The following SUPT20H variants were observed in gnomAD, a reference collection of about 807,000 sequenced individuals.
The protein encoded by SUPT20H is SPT20 homolog, SAGA complex component.
In SUPT20H, 82 loss-of-function variants were observed where a neutral mutation model predicts 122.8. That is an observed-to-expected ratio of 0.67 (90% CI 0.56 to 0.80). The LOEUF is 0.80. Among genes scored for constraint, SUPT20H ranks in the 30% least tolerant of loss-of-function variants. The pLI is 0.00. For synonymous variants in SUPT20H, 291 were observed against 313.0 expected (o/e 0.93, Z 0.74); for missense variants, 831 against 921.6 (o/e 0.90, Z 1.27).
At chr13:37,039,122 G>A (rs2065019227) in intron 9 of SUPT20H, 1 of 152,102 alleles carries the variant, frequency 6.6e-6, no homozygotes, top group Non-Finnish European at 1.5e-5. Context: ...AACTGAAGAG[G>A]ACCAATGATT....
chr13:37,049,654 AC>A (rs1319452947), intron 2 of SUPT20H, among the ~76,000 whole-genome samples: 1 of 152,090 alleles, frequency 6.6e-6, no homozygotes, highest in Non-Finnish European at 1.5e-5. Context: ...AAGGAGAATC[AC>A]TTGAACCCGG....
rs1385573809 is a variant in SUPT20H at position 37,010,545 on chromosome 13, G to A, written c.2202+7C>T. The A allele has an allele frequency of 1.2e-6, 2 of 1,610,760 alleles. No homozygotes were observed. Among genetic ancestry groups the A allele is most frequent in the South Asian group, 1.1e-5 (1 of 90,968 alleles). On this transcript the variant is annotated splice_region_variant and intron_variant, in intron 25 of 25. Transcript: ENST00000350612. ...AAAATGTAATCAGAGTGAAGTTGCT[G>A]GATTACTTGTATCTGTTGCTGCTGC...
At chr13:37,023,922 G>T in intron 19 of SUPT20H, 113 bp downstream of exon 19, 1 of 1,026,258 alleles carries the variant, frequency 9.7e-7, no homozygotes, top group Non-Finnish European at 1.4e-6. Context: ...TATACATTTT[G>T]GGTACACAGT....
At chr13:37,023,157 G>A in intron 19 of SUPT20H, 2 of 977,808 alleles carry the variant, frequency 2.0e-6, no homozygotes, top group Non-Finnish European at 2.6e-6. Flanking sequence ...AACATAAGAA[G>A]TGTGAATAAG....
chr13:37,035,409 G>A (rs1212404611), intron 9 of SUPT20H, among the ~76,000 whole-genome samples: 4 of 152,172 alleles, frequency 2.6e-5, no homozygotes, highest in African/African-American at 9.7e-5. Flanking sequence ...CAGATGTGGT[G>A]ATAGCAAGAG....
At chr13:37,058,759 G>A (rs924356697) in intron 1 of SUPT20H, among the ~76,000 whole-genome samples, 3 of 151,998 alleles carry the variant, frequency 2.0e-5, no homozygotes, top group African/African-American at 7.2e-5. Flanking sequence ...ATTACAACCT[G>A]CAAACTAATC....
chr13:37,029,748 A>G lies in SUPT20H; in HGVS notation c.993+17T>C. 1.9e-6 allele frequency: 3 copies of G among 1,589,322 alleles called. No individual in the cohort carries two copies. Among genetic ancestry groups the G allele is most frequent in the African/African-American group, 2.7e-5 (2 of 73,634 alleles). On this transcript the variant is annotated intron_variant, in intron 13 of 25. Transcript: ENST00000350612. ...AAATGGCATAATTAGAAACAGAGACAGGCAATGATTTCTTACATGGGCTGG... is the reference window on the plus strand; with the variant it reads ...AAATGGCATAATTAGAAACAGAGACGGGCAATGATTTCTTACATGGGCTGG...
chr13:37,051,560 G>A lies in SUPT20H; in HGVS notation c.-70C>T, dbSNP rs367552986. ...GCTGATGAAGTGGGGTGAACACCAT[G>A]CCTTTAACATCAATCTTACAGTACT... On this transcript the variant is annotated 5_prime_UTR_variant, in exon 2 of 26. Coordinates refer to ENST00000350612, the MANE Select transcript of SUPT20H (RefSeq NM_001014286.3). The A allele has an allele frequency of 6.3e-6, 9 of 1,438,256 alleles. No individual in the cohort carries two copies. In the African/African-American group the frequency reaches 1.1e-4, roughly 18 times the overall value. The allele number at this position is 1,438,256 out of a possible 1,614,324, so 89.1% of individuals were successfully genotyped here.
intron 18 of SUPT20H, 57 bp downstream of exon 18, chr13:37,024,283 A>G: frequency 6.6e-7 from 1 of 1,523,066 alleles, no homozygotes. Flanking sequence ...TTAAAAAGAG[A>G]TTATGATTAT....
chr13:37,034,747 A>G (rs1359323586), intron 9 of SUPT20H, among the ~76,000 whole-genome samples: 1 of 152,268 alleles, frequency 6.6e-6, no homozygotes, highest in Non-Finnish European at 1.5e-5. Context: ...TCATAGCTAG[A>G]GAGAAGTCAA....
At chr13:37,039,200 A>C (rs2065036996) in intron 9 of SUPT20H, 1 of 152,226 alleles carries the variant, frequency 6.6e-6, no homozygotes, top group African/African-American at 2.4e-5. Context: ...TTTGACTGAA[A>C]AATTAAAGTT....
intron 23 of SUPT20H, chr13:37,012,982 G>A (rs557680719): frequency 1.8e-3 from 269 of 152,184 alleles, no homozygotes; most frequent in African/African-American, 6.2e-3. Flanking sequence ...GTCTAGATAA[G>A]GACATATACT....
chr13:37,029,307 T>A (rs2062881206), intron 13 of SUPT20H, among the ~76,000 whole-genome samples: 1 of 152,180 alleles, frequency 6.6e-6, no homozygotes, highest in Admixed American at 6.5e-5. Context: ...GGTGGGCGGA[T>A]CACCTGAGAT....
At chr13:37,038,329 C>A (rs2064881948) in intron 9 of SUPT20H, 1 of 152,118 alleles carries the variant, frequency 6.6e-6, no homozygotes, top group Non-Finnish European at 1.5e-5. Flanking sequence ...AGAATTTTCC[C>A]TCAGTTACTT....
rs1449544501 is a variant in SUPT20H at position 37,040,674 on chromosome 13, C to T, written c.415G>A (p.Gly139Arg). ...TCACGTATTTCTGCTATGACACATC[C>T]GCAATGAAAAATATTAACCTGTTTG... ...EKSQVNIFHC[G>R]CVIAEIRDYR... Residue 139 changes from glycine (G) to arginine (R), a missense_variant, in exon 8 of 26, where the codon GGA (glycine) becomes AGA (arginine). Physicochemically the swap from Gly to Arg is moderately radical, Grantham distance 125. Coordinates refer to ENST00000350612, the MANE Select transcript of SUPT20H (RefSeq NM_001014286.3). 7 of 1,613,040 alleles carry T rather than the reference C, an allele frequency of 4.3e-6. No homozygotes were observed. Among genetic ancestry groups the T allele is most frequent in the African/African-American group, 4.0e-5 (3 of 74,860 alleles).
intron 21 of SUPT20H, among the ~76,000 whole-genome samples, chr13:37,021,180 G>A (rs1253710933): frequency 6.6e-6 from 1 of 152,096 alleles, no homozygotes; most frequent in Non-Finnish European, 1.5e-5. Context: ...TGACAATAAG[G>A]CTACCAAAAT....
In SUPT20H at chr13:37,024,197, G is replaced by A. The variant is rs1247000535; in HGVS notation, c.1433-4C>T. ...TGTTGTGGTGTAAAATAGTTACCTA[G>A]AAGAACATAAAAGTTATTTCCTAAA... is the stretch of plus-strand genomic sequence containing the variant. On this transcript the variant is annotated splice_region_variant and splice_polypyrimidine_tract_variant and intron_variant, in intron 18 of 25. Transcript: ENST00000350612. 3 of 1,602,526 alleles carry A rather than the reference G, an allele frequency of 1.9e-6. No individual in the cohort carries two copies. The highest frequency in any genetic ancestry group is 2.7e-5 in the African/African-American group (2 of 74,232).
intron 24 of SUPT20H, 72 bp downstream of exon 24, chr13:37,012,115 ATAATT>A (rs2059719255): frequency 1.7e-6 from 2 of 1,170,992 alleles, no homozygotes; most frequent in African/African-American, 1.5e-5. Flanking sequence ...GGAAAAGAAA[ATAATT>A]TAAGCGGTGA....
At chr13:37,054,898 T>C (rs938723662) in intron 1 of SUPT20H, among the ~76,000 whole-genome samples, 1 of 152,232 alleles carries the variant, frequency 6.6e-6, no homozygotes, top group African/African-American at 2.4e-5. Flanking sequence ...CTCCTTAAGC[T>C]GATAGGCAAC....
Sources: gnomAD v4.1 joint callset for allele counts (sites outside exome capture counted in the v4.1 genomes callset) on GRCh38, gnomAD v4.1.1 for gene constraint, MANE v1.5 for transcripts, NCBI Gene and HGNC (gene_info 2026-07-23, HGNC 2026-07-21) for gene names.